The following PRSS53 variants were observed in gnomAD, a reference collection of about 807,000 sequenced individuals.
The protein encoded by PRSS53 is serine protease 53.
PRSS53 carries 54 observed loss-of-function variants against 62.7 expected under a neutral mutation model. That is an observed-to-expected ratio of 0.86 (90% CI 0.69 to 1.08). The LOEUF (loss-of-function observed/expected upper bound fraction) is 1.08. Among genes scored for constraint, PRSS53 ranks in the 50% least tolerant of loss-of-function variants. PRSS53 has a pLI of 0.00. For synonymous variants in PRSS53, 273 were observed against 300.0 expected (o/e 0.91, Z 0.93); for missense variants, 688 against 728.3 (o/e 0.94, Z 0.64).
At chr16:31,084,076 C>G in intron 10 of PRSS53, 43 bp downstream of exon 10, 1 of 1,545,570 alleles carries the variant, frequency 6.5e-7, no homozygotes, top group Non-Finnish European at 8.7e-7. Context: ...AGAGAAGGGT[C>G]CTGGAGAGGC....
Position 31,086,315 on chromosome 16 carries a change from CCTTCT to C in PRSS53, c.663+17_663+21del, listed in dbSNP as rs1466278407. 2 of 1,598,628 alleles carry C rather than the reference CCTTCT, an allele frequency of 1.3e-6. No individual in the cohort carries two copies. Among genetic ancestry groups the C allele is most frequent in the South Asian group, 1.1e-5 (1 of 89,844 alleles). On this transcript the variant is annotated intron_variant, in intron 5 of 10. Transcript: ENST00000280606. The stretch of plus-strand genomic sequence containing the variant: ...AGGGTTAGGCCCCTCCCCTTCTGCT[CCTTCT>C]CTTCTCCCTATCAGACCTGACAGGG...
exon 7 of PRSS53, chr16:31,085,144 C>T (rs1352331948): frequency 6.2e-7 from 1 of 1,612,224 alleles, no homozygotes; most frequent in Non-Finnish European, 8.5e-7. Flanking sequence ...AGCACCGCCT[C>T]CTCTGACACC....
chr16:31,084,294 T>C lies in PRSS53; in HGVS notation c.1467A>G (p.Thr489=), dbSNP rs375709585. The C allele has an allele frequency of 5.0e-6, 8 of 1,612,928 alleles. No individual in the cohort carries two copies. The African/African-American group carries it at 5.3e-5, about 11-fold the overall frequency. ...AGCTGTGCAGCCCGGCCAGGAACCA[T>C]GTGCCCCTCACCTCATGCACCAGTG... is the stretch of plus-strand genomic sequence containing the variant. The change falls in exon 10 of 11, where the codon ACA becomes ACG. Residue 489 remains threonine (T), a synonymous_variant. Coordinates refer to ENST00000280606, the Ensembl canonical transcript of PRSS53.
exon 4 of PRSS53, chr16:31,086,661 G>A (rs1402363315): frequency 2.6e-6 from 4 of 1,540,436 alleles, no homozygotes; most frequent in East Asian, 2.3e-5. Flanking sequence ...CCCAGCCAGT[G>A]GCCCAGCAGG....
chr16:31,086,302 C>T, intron 5 of PRSS53, 35 bp downstream of exon 5: 1 of 1,592,044 alleles, frequency 6.3e-7, no homozygotes, highest in Non-Finnish European at 8.6e-7. Context: ...GGTTAGGCCC[C>T]TCCCCTTCTG....
rs571052324 is a variant in PRSS53 at position 31,088,838 on chromosome 16, C to T, written c.-29G>A. On this transcript the variant is annotated 5_prime_UTR_variant, in exon 1 of 11. Transcript: ENST00000280606. Reference sequence around the variant, plus strand: ...GCCCCGGGCCACTCTGCCACCTGTGCTCCACTCTGAGAGAGGCCACCTGGG... The same window carrying T: ...GCCCCGGGCCACTCTGCCACCTGTGTTCCACTCTGAGAGAGGCCACCTGGG... The T allele has an allele frequency of 1.2e-5, 19 of 1,612,974 alleles. No homozygotes were observed. The South Asian group carries it at 2.0e-4, about 17-fold the overall frequency.
At chr16:31,087,435 C>A in intron 3 of PRSS53, 102 bp downstream of exon 3, 1 of 821,914 alleles carries the variant, frequency 1.2e-6, no homozygotes, top group Non-Finnish European at 1.9e-6. Flanking sequence ...GTAAATGGTT[C>A]TTTATTATTA....
intron 5 of PRSS53, 70 bp downstream of exon 5, chr16:31,086,267 C>A (rs2057232465): frequency 5.7e-6 from 9 of 1,583,780 alleles, no homozygotes; most frequent in Non-Finnish European, 7.7e-6. Flanking sequence ...TTCCCCCAGT[C>A]CTGTGAGTCC....
chr16:31,085,139 C>G (rs376206757), exon 7 of PRSS53: 1 of 1,612,172 alleles, frequency 6.2e-7, no homozygotes, highest in Non-Finnish European at 8.5e-7. Context: ...CAGTTAGCAC[C>G]GCCTCCTCTG....
exon 1 of PRSS53, chr16:31,088,871 GGCTCCACCTCT>G (rs1229326229): frequency 1.2e-6 from 2 of 1,604,818 alleles, no homozygotes; most frequent in Admixed American, 1.7e-5. Flanking sequence ...GGGTCTCCCT[GGCTCCACCTCT>G]GCTCCACCTC....
chr16:31,087,214 C>A, intron 3 of PRSS53: 1 of 533,300 alleles, frequency 1.9e-6, no homozygotes, highest in Non-Finnish European at 3.3e-6. Flanking sequence ...ACAGGCTAGT[C>A]TTGAACTCTT....
chr16:31,088,911 C>A, exon 1 of PRSS53: 1 of 1,550,266 alleles, frequency 6.5e-7, no homozygotes, highest in Non-Finnish European at 8.7e-7. Context: ...TAGGATTCAG[C>A]TGTCTGCTTG....
At position 31,087,626 on chromosome 16, in the gene PRSS53, CT is replaced by C; in HGVS notation, c.152del (p.Gln51ArgfsTer4). 6.2e-7 allele frequency: 1 copy of C among 1,610,488 alleles called. No individual in the cohort carries two copies. The highest frequency in any genetic ancestry group is 2.2e-5 in the East Asian group (1 of 44,644). On this transcript the variant is annotated frameshift_variant, in exon 3 of 11. Coordinates refer to ENST00000280606, the Ensembl canonical transcript of PRSS53. LOFTEE classifies it high-confidence loss of function. The stretch of plus-strand genomic sequence containing the variant: ...GGGCTCCTTGCCTCCTCACACTGGC[CT>C]GCCAGGGCCACTCGCCAGGGACTGT...
exon 5 of PRSS53, chr16:31,086,388 C>T (rs1202981475): frequency 6.2e-7 from 1 of 1,614,044 alleles, no homozygotes. Context: ...GCATCCCAGG[C>T]CGGGCCGGGT....
intron 10 of PRSS53, 103 bp from the exon 11 acceptor site, chr16:31,083,912 G>C: frequency 6.3e-7 from 1 of 1,583,550 alleles, no homozygotes. Context: ...TGGCCGCCAT[G>C]ACAGATGAGA....
At position 31,087,651 on chromosome 16, in the gene PRSS53, G is replaced by A; in HGVS notation, c.128C>T (p.Thr43Ile). 1 of 1,611,388 alleles carries A rather than the reference G, an allele frequency of 6.2e-7. No homozygotes were observed. The change falls in exon 3 of 11, where the codon ACA becomes ATA. Residue 43 changes from threonine to isoleucine, a missense_variant. By Grantham distance (89) the Thr-to-Ile change is moderately conservative (BLOSUM62 -1). Transcript: ENST00000280606. The stretch of plus-strand genomic sequence containing the variant: ...CTGCCAGGGCCACTCGCCAGGGACT[G>A]TGTTGCCCTCCTGAGGCTTGGGGGG...
chr16:31,086,451 A>C, exon 5 of PRSS53: 1 of 1,614,014 alleles, frequency 6.2e-7, no homozygotes, highest in Non-Finnish European at 8.5e-7. Context: ...ATGTGGGGCG[A>C]CTGATGAGAC....
At chr16:31,084,005 C>T in intron 10 of PRSS53, 114 bp downstream of exon 10, 1 of 1,499,122 alleles carries the variant, frequency 6.7e-7, no homozygotes, top group Admixed American at 2.1e-5. Flanking sequence ...ATGGGTCTGC[C>T]TGTTGCTCCA....
exon 5 of PRSS53, chr16:31,086,434 C>G: frequency 6.2e-7 from 1 of 1,613,534 alleles, no homozygotes; most frequent in Non-Finnish European, 8.5e-7. Context: ...GTTGTAGATA[C>G]AGTTACATGT....
Sources: gnomAD v4.1 joint callset for allele counts on GRCh38, gnomAD v4.1.1 for gene constraint, MANE v1.5 for transcripts, NCBI Gene and HGNC (gene_info 2026-07-23, HGNC 2026-07-21) for gene names.